CDH8: variants seen among roughly 807,000 people sequenced by gnomAD.
CDH8 encodes the protein cadherin 8.
In CDH8, 17 loss-of-function variants were observed where a neutral mutation model predicts 68.1. The ratio of observed to expected loss-of-function variants is 0.25; its 90% CI spans 0.17 to 0.37. The LOEUF (loss-of-function observed/expected upper bound fraction) is 0.37, where lower values mean the gene tolerates loss of function less well. Ranked by LOEUF, CDH8 falls within the 10% of genes least tolerant of loss-of-function variation. CDH8 has a pLI of 1.00. For missense variants in CDH8, 763 were observed against 999.3 expected, an observed-to-expected ratio of 0.76 and a Z score of 3.19; for synonymous variants, 372 against 365.1, an observed-to-expected ratio of 1.02 and a Z score of -0.21.
intron 10 of CDH8, among the ~76,000 whole-genome samples, chr16:61,663,340 A>G (rs953936754): frequency 2.6e-5 from 4 of 152,020 alleles, no homozygotes; most frequent in Non-Finnish European, 4.4e-5. Flanking sequence ...GTGTTTTTCA[A>G]GTAATTTGTT....
chr16:61,893,529 A>G (rs977684443), intron 3 of CDH8, among the ~76,000 whole-genome samples: 3 of 151,982 alleles, frequency 2.0e-5, no homozygotes, highest in African/African-American at 4.8e-5. Context: ...GAACACAACT[A>G]ATGCCCAGAC....
chr16:61,955,212 C>T (rs1964966942), intron 2 of CDH8, among the ~76,000 whole-genome samples: 1 of 152,188 alleles, frequency 6.6e-6, no homozygotes, highest in African/African-American at 2.4e-5. Context: ...AAGCTGCCTA[C>T]TTACATACTT....
At chr16:62,030,194 T>C (rs1902291236) in intron 1 of CDH8, among the ~76,000 whole-genome samples, 1 of 152,152 alleles carries the variant, frequency 6.6e-6, no homozygotes, top group Admixed American at 6.5e-5. Context: ...CAAGCAATTA[T>C]TTGACAAAAA....
intron 2 of CDH8, among the ~76,000 whole-genome samples, chr16:61,966,428 C>A (rs1304736730): frequency 6.6e-6 from 1 of 151,968 alleles, no homozygotes; most frequent in Non-Finnish European, 1.5e-5. Context: ...GTCCCAGCTA[C>A]TTGGGAGGCT....
At chr16:61,901,536 C>A in intron 2 of CDH8, 63 bp from the exon 3 acceptor site, 2 of 1,181,770 alleles carry the variant, frequency 1.7e-6, no homozygotes, top group Non-Finnish European at 1.2e-6. Flanking sequence ...TTTTAACTAC[C>A]TCCTTTTTGA....
intron 2 of CDH8, among the ~76,000 whole-genome samples, chr16:61,955,608 CTT>C (rs995631524): frequency 1.1e-4 from 16 of 152,012 alleles, no homozygotes; most frequent in African/African-American, 3.9e-4. Context: ...TTAATTTTTT[CTT>C]TCTTTTTTTT....
At chr16:61,964,539 T>A (rs1965214189) in intron 2 of CDH8, among the ~76,000 whole-genome samples, 2 of 151,844 alleles carry the variant, frequency 1.3e-5, no homozygotes, top group African/African-American at 4.8e-5. Context: ...GAGAGATTTT[T>A]TTTTTTTCCT....
chr16:61,870,909 T>A (rs1473272590), intron 3 of CDH8, among the ~76,000 whole-genome samples: 1 of 152,220 alleles, frequency 6.6e-6, no homozygotes, highest in African/African-American at 2.4e-5. Flanking sequence ...ATGTTTCTGG[T>A]ACAAGTACTT....
At chr16:61,991,252 C>T (rs1308060246) in intron 2 of CDH8, among the ~76,000 whole-genome samples, 2 of 152,198 alleles carry the variant, frequency 1.3e-5, no homozygotes, top group Non-Finnish European at 2.9e-5. Flanking sequence ...AGGAAACTCA[C>T]ATCTATTAAG....
At chr16:62,006,942 C>G (rs1157506419) in intron 2 of CDH8, among the ~76,000 whole-genome samples, 1 of 148,638 alleles carries the variant, frequency 6.7e-6, no homozygotes, top group African/African-American at 2.5e-5. Flanking sequence ...GAGTCTCACT[C>G]TGTCGCCCAG....
chr16:61,854,102 G>A (rs948102706), intron 4 of CDH8, among the ~76,000 whole-genome samples: 30 of 146,094 alleles, frequency 2.1e-4, no homozygotes, highest in African/African-American at 6.4e-4. Context: ...TTATAAGTAC[G>A]CACACACACA....
chr16:61,951,269 T>C (rs1028760725), intron 2 of CDH8, among the ~76,000 whole-genome samples: 5 of 152,082 alleles, frequency 3.3e-5, no homozygotes, highest in Non-Finnish European at 1.5e-5. Context: ...CCCAGCACTT[T>C]GGGAGGCTGA....
intron 9 of CDH8, among the ~76,000 whole-genome samples, chr16:61,723,234 T>C (rs1007059181): frequency 2.0e-5 from 3 of 150,790 alleles, no homozygotes; most frequent in Admixed American, 6.6e-5. Context: ...TGGAAGGTCC[T>C]CTGGCCAACA....
At chr16:61,963,723 TC>T (rs1224775590) in intron 2 of CDH8, among the ~76,000 whole-genome samples, 3 of 152,234 alleles carry the variant, frequency 2.0e-5, no homozygotes, top group Non-Finnish European at 4.4e-5. Context: ...CTCCCACTGT[TC>T]CTGAATATTT....
chr16:61,881,136 C>T (rs1963569376), intron 3 of CDH8, among the ~76,000 whole-genome samples: 1 of 152,176 alleles, frequency 6.6e-6, no homozygotes, highest in South Asian at 2.1e-4. Flanking sequence ...AGCAGAAGAT[C>T]TACAGACCTT....
rs531065195 is a variant in CDH8 at position 61,707,514 on chromosome 16, C to A, written c.1654+6327G>T. Among the ~76,000 whole-genome samples, 5 of 152,098 alleles carry A rather than the reference C, an allele frequency of 3.3e-5. No individual in the cohort carries two copies. The South Asian group carries it at 8.3e-4, about 25-fold the overall frequency. ...TAATTCATCCCAAGACAATTTTTTT[C>A]ATGTTTATCTATGCAGAGTGCCTGC... On this transcript the variant is annotated intron_variant, in intron 10 of 11. Transcript: ENST00000577390.
chr16:61,740,459 G>A (rs982138146), intron 8 of CDH8, among the ~76,000 whole-genome samples: 1 of 152,038 alleles, frequency 6.6e-6, no homozygotes, highest in African/African-American at 2.4e-5. Flanking sequence ...ATTTATTATA[G>A]TGGATTTTCC....
chr16:61,790,349 A>C (rs1317237315), intron 7 of CDH8, among the ~76,000 whole-genome samples: 1 of 152,000 alleles, frequency 6.6e-6, no homozygotes, highest in Non-Finnish European at 1.5e-5. Flanking sequence ...ACCAAGATTC[A>C]TTTCCTGGCT....
At chr16:61,902,121 T>G (rs144699085) in intron 2 of CDH8, among the ~76,000 whole-genome samples, 1 of 152,332 alleles carries the variant, frequency 6.6e-6, no homozygotes, top group East Asian at 1.9e-4. Flanking sequence ...ATTCGTCTAG[T>G]CCAGGAAAAT....
Sources: gnomAD v4.1 joint callset for allele counts (sites outside exome capture counted in the v4.1 genomes callset) on GRCh38, gnomAD v4.1.1 for gene constraint, MANE v1.5 for transcripts, NCBI Gene and HGNC (gene_info 2026-07-23, HGNC 2026-07-21) for gene names.